Variants in CORIN observed in about 807,000 individuals in gnomAD.
The protein encoded by CORIN is atrial natriuretic peptide-converting enzyme.
Under a neutral mutation model 125.3 loss-of-function variants are expected in CORIN, and 117 were observed. The ratio of observed to expected loss-of-function variants is 0.93; its 90% CI spans 0.80 to 1.09. The LOEUF is 1.09. Ranked by LOEUF, CORIN falls within the 50% of genes least tolerant of loss-of-function variation. CORIN has a pLI of 0.00. For synonymous variants in CORIN, 450 were observed against 466.4 expected (o/e 0.96, Z 0.45); for missense variants, 1,253 against 1,306.7 (o/e 0.96, Z 0.63).
chr4:47,822,884 C>T (rs1443974490), intron 1 of CORIN, among the ~76,000 whole-genome samples: 4 of 150,434 alleles, frequency 2.7e-5, no homozygotes, highest in African/African-American at 9.8e-5. Flanking sequence ...GGTGCGATAT[C>T]GGCTCACTGC....
Position 47,670,099 on chromosome 4 carries a change from G to A in CORIN, c.1357+4294C>T, listed in dbSNP as rs1030549292. Among the ~76,000 whole-genome samples the A allele has an allele frequency of 5.3e-5, 8 of 152,258 alleles. No homozygotes were observed. In the East Asian group the frequency reaches 7.7e-4, roughly 15 times the overall value. ...GCACACTCCTGGTGAAGTTAAACAC[G>A]TTCCCCATTCTTTCTATTTCTGAAC... On this transcript the variant is annotated intron_variant, in intron 10 of 21. Transcript: ENST00000273857.
intron 19 of CORIN, among the ~76,000 whole-genome samples, chr4:47,618,343 AAGG>A (rs1342955436): frequency 7.6e-4 from 102 of 134,618 alleles, no homozygotes; most frequent in East Asian, 2.2e-3. Context: ...AAAAAAAAAA[AAGG>A]AAAGGAAAGG....
At chr4:47,726,568 C>T (rs574287844) in intron 5 of CORIN, among the ~76,000 whole-genome samples, 9 of 151,970 alleles carry the variant, frequency 5.9e-5, no homozygotes, top group South Asian at 2.1e-4. Flanking sequence ...AAGGACAAGA[C>T]GAAGATGATA....
intron 21 of CORIN, among the ~76,000 whole-genome samples, chr4:47,596,680 A>T (rs1405031153): frequency 6.6e-6 from 1 of 152,220 alleles, no homozygotes; most frequent in East Asian, 1.9e-4. Context: ...AAGAGCTGAT[A>T]TCATGGAAAA....
intron 5 of CORIN, among the ~76,000 whole-genome samples, chr4:47,719,938 G>A (rs1201774020): frequency 6.6e-6 from 1 of 152,160 alleles, no homozygotes; most frequent in East Asian, 1.9e-4. Context: ...ACTTTTGAGT[G>A]GTTAGCCTCA....
chr4:47,622,353 G>C, intron 19 of CORIN, among the ~76,000 whole-genome samples: 1 of 148,706 alleles, frequency 6.7e-6, no homozygotes, highest in Non-Finnish European at 1.5e-5. Context: ...ATAGTCCTTT[G>C]GGTATATACC....
At position 47,720,230 on chromosome 4, in the gene CORIN, G is replaced by T. The variant is rs114785560; in HGVS notation, c.799+24172C>A. On this transcript the variant is annotated intron_variant, in intron 5 of 21. Coordinates refer to ENST00000273857, the MANE Select transcript of CORIN (RefSeq NM_006587.4). ...TTTTATTTTTATCACTACTTATTCTGTACTGGGCAGATCTGAACACTACAT... is the reference window on the plus strand; with the variant it reads ...TTTTATTTTTATCACTACTTATTCTTTACTGGGCAGATCTGAACACTACAT... 4.2e-3 allele frequency among the ~76,000 whole-genome samples: 636 copies of T among 152,212 alleles called. 8 individuals carry two copies. Among genetic ancestry groups the T allele is most frequent in the African/African-American group, 0.014 (595 of 41,530 alleles).
At chr4:47,637,196 A>T (rs1281313828) in intron 16 of CORIN, among the ~76,000 whole-genome samples, 3 of 152,198 alleles carry the variant, frequency 2.0e-5, no homozygotes, top group African/African-American at 7.2e-5. Context: ...GGTAGAAGAC[A>T]TTTCTAAGCA....
At chr4:47,601,243 A>AT (rs1209902965) in intron 20 of CORIN, among the ~76,000 whole-genome samples, 2 of 151,554 alleles carry the variant, frequency 1.3e-5, no homozygotes, top group Non-Finnish European at 2.9e-5. Context: ...GGTAGTTGCT[A>AT]TTTTTTTCCA....
chr4:47,784,237 G>A (rs999302863), intron 3 of CORIN, among the ~76,000 whole-genome samples: 2 of 152,120 alleles, frequency 1.3e-5, no homozygotes, highest in Non-Finnish European at 2.9e-5. Flanking sequence ...TGTATGGAAA[G>A]CTATCCAATT....
At chr4:47,598,281 T>G (rs1056806721) in intron 21 of CORIN, among the ~76,000 whole-genome samples, 6 of 152,154 alleles carry the variant, frequency 3.9e-5, no homozygotes, top group African/African-American at 1.2e-4. Flanking sequence ...GAGGTCTAAG[T>G]AGAAAAATTT....
chr4:47,625,713 A>T (rs1313419077), intron 17 of CORIN, among the ~76,000 whole-genome samples: 1 of 152,178 alleles, frequency 6.6e-6, no homozygotes, highest in African/African-American at 2.4e-5. Flanking sequence ...ACTATCACTT[A>T]GCATCTGTGG....
At position 47,790,017 on chromosome 4, in the gene CORIN, G is replaced by A. The variant is rs576355011; in HGVS notation, c.209-3092C>T. On this transcript the variant is annotated intron_variant, in intron 2 of 21. Coordinates refer to ENST00000273857, the MANE Select transcript of CORIN (RefSeq NM_006587.4). ...AGCCTGGGAGACAGAGCGAGACTCC[G>A]TCTCAAAAAAATAATAATAATACTG... Among the ~76,000 whole-genome samples, 9 of 151,824 alleles carry A rather than the reference G, an allele frequency of 5.9e-5. No individual in the cohort carries two copies. In the East Asian group the frequency reaches 9.7e-4, roughly 16 times the overall value.
chr4:47,715,670 T>C (rs774819558), intron 5 of CORIN, among the ~76,000 whole-genome samples: 41 of 152,098 alleles, frequency 2.7e-4, no homozygotes, highest in Non-Finnish European at 5.0e-4. Context: ...CCTCCAAAAA[T>C]GTGTCTTTCT....
intron 4 of CORIN, 116 bp from the exon 5 acceptor site, chr4:47,744,699 T>C: frequency 3.1e-6 from 3 of 963,482 alleles, no homozygotes; most frequent in Non-Finnish European, 4.4e-6. Context: ...TTATACTTAC[T>C]ATAGTCAGCA....
At chr4:47,632,745 A>AGATAGAT (rs1553905920) in intron 16 of CORIN, among the ~76,000 whole-genome samples, 3 of 117,350 alleles carry the variant, frequency 2.6e-5, no homozygotes, top group Non-Finnish European at 3.5e-5. Context: ...ATAGATAGAT[A>AGATAGAT]GATAGATAGA....
chr4:47,757,736 G>A lies in CORIN; in HGVS notation c.617+5643C>T, dbSNP rs979391908. On this transcript the variant is annotated intron_variant, in intron 4 of 21. Transcript: ENST00000273857. ...ATATTAGCACACTTATCAGGTCAGG[G>A]GAAAAGGAAATTGTACCTAAAAGTG... Among the ~76,000 whole-genome samples, 20 of 150,894 alleles carry A rather than the reference G, an allele frequency of 1.3e-4. No individual in the cohort carries two copies. The South Asian group carries it at 4.2e-3, about 32-fold the overall frequency.
chr4:47,696,927 C>T lies in CORIN; in HGVS notation c.800-3844G>A, dbSNP rs539004986. ...TCAAAAATTATCCACCAGCCTGCCA[C>T]GGACTGTATGGTGCCCTTACTTGCC... On this transcript the variant is annotated intron_variant, in intron 5 of 21. Transcript: ENST00000273857. Among the ~76,000 whole-genome samples the T allele has an allele frequency of 8.5e-4, 130 of 152,276 alleles. 1 individual carries two copies. Among genetic ancestry groups the T allele is most frequent in the South Asian group, 4.1e-3 (20 of 4,820 alleles).
chr4:47,618,418 C>T (rs4694860), intron 19 of CORIN, among the ~76,000 whole-genome samples: 120,255 of 150,754 alleles, frequency 0.8, 48,319 homozygotes, highest in African/African-American at 0.89. Context: ...ACTTTGGAGG[C>T]CTGCCCAGTG....
Sources: allele counts gnomAD v4.1 joint callset (sites outside exome capture counted in the v4.1 genomes callset), GRCh38; gene constraint gnomAD v4.1.1; transcripts MANE v1.5; gene names NCBI Gene and HGNC (gene_info 2026-07-23, HGNC 2026-07-21).